The following FCGR2B variants were observed in gnomAD, a reference collection of about 807,000 sequenced individuals.
The protein encoded by FCGR2B is low affinity immunoglobulin gamma Fc region receptor II-b.
A neutral mutation model predicts 24.8 loss-of-function variants in FCGR2B; 18 were observed. The ratio of observed to expected loss-of-function variants is 0.73; its 90% CI spans 0.50 to 1.08. The LOEUF (loss-of-function observed/expected upper bound fraction) is 1.08, where lower values mean the gene tolerates loss of function less well. Ranked by LOEUF, FCGR2B falls within the 50% of genes least tolerant of loss-of-function variation. FCGR2B has a pLI of 0.00. For synonymous variants in FCGR2B, 79 were observed against 109.8 expected, an observed-to-expected ratio of 0.72 and a Z score of 1.75; for missense variants, 215 against 297.6, an observed-to-expected ratio of 0.72 and a Z score of 2.04.
At chr1:161,648,697 T>G in the FCGR2B span, among the ~76,000 whole-genome samples, 2 of 150,920 alleles carry the variant, frequency 1.3e-5, no homozygotes, top group Non-Finnish European at 2.9e-5. Flanking sequence ...AATTTTTTCT[T>G]TCTTTTTTTT....
rs1682224930 is a variant in FCGR2B at position 161,677,235 on chromosome 1, A to C, written c.818-93A>C. The C allele has an allele frequency of 4.6e-5, 56 of 1,229,154 alleles. No individual in the cohort carries two copies. In the South Asian group the frequency reaches 6.7e-4, roughly 15 times the overall value. 76.1% of individuals were successfully genotyped at this position (1,229,154 alleles called of 1,614,324 possible). On this transcript the variant is annotated intron_variant, in intron 6 of 7. Coordinates refer to ENST00000358671, the MANE Select transcript of FCGR2B (RefSeq NM_001394477.1). ...GGTCAGCAGTGCTTGCTTTGGCTCT[A>C]GTTTGGGCGTTGGTTTTGCAGCCTC...
chr1:161,661,255 AAAGAAAGG>A (rs758655780), upstream of FCGR2B, among the ~76,000 whole-genome samples: 4,548 of 35,184 alleles, frequency 0.13, 578 homozygotes, highest in South Asian at 0.17. Context: ...AGAAAGAAAG[AAAGAAAGG>A]AAGGAAGCAA....
In FCGR2B at chr1:161,671,372, C is replaced by T. The variant is rs370488962; in HGVS notation, c.134-20C>T. Reference sequence around the variant, plus strand: ...CTGGGCTTCCTCTTCTTCATGCTACCTCCTCTCTCTGCCCCTCAGCAGCTC... The same window carrying T: ...CTGGGCTTCCTCTTCTTCATGCTACTTCCTCTCTCTGCCCCTCAGCAGCTC... On this transcript the variant is annotated intron_variant, in intron 2 of 7. Coordinates refer to ENST00000358671, the MANE Select transcript of FCGR2B (RefSeq NM_001394477.1). 3.5e-4 allele frequency: 572 copies of T among 1,614,018 alleles called. 2 individuals are homozygous for T. The highest frequency in any genetic ancestry group is 4.9e-4 in the Middle Eastern group (3 of 6,084).
chr1:161,651,881 T>C, the FCGR2B span, among the ~76,000 whole-genome samples: 2 of 126,568 alleles, frequency 1.6e-5, no homozygotes, highest in African/African-American at 5.3e-5. Context: ...TGTGGTGAGC[T>C]GAGATTGTGC....
upstream of FCGR2B, among the ~76,000 whole-genome samples, chr1:161,661,255 A>AAAGG (rs1681066934): frequency 5.5e-5 from 2 of 36,130 alleles, no homozygotes; most frequent in Non-Finnish European, 1.3e-4. Flanking sequence ...AGAAAGAAAG[A>AAAGG]AAGAAAGGAA....
In FCGR2B at chr1:161,677,360, G is replaced by A. The variant is rs1472082569; in HGVS notation, c.850G>A (p.Val284Ile). 6 of 1,613,686 alleles carry A rather than the reference G, an allele frequency of 3.7e-6. No homozygotes were observed. The East Asian group carries it at 8.9e-5, about 24-fold the overall frequency. ...CACTAATCCTGATGAGGCTGACAAA[G>A]TTGGGGTGAGTGATCCCAGCCATCT... is the stretch of plus-strand genomic sequence containing the variant. ...NPTNPDEADKVGAENTITYSL... is the reference protein window; with the variant it reads ...NPTNPDEADKIGAENTITYSL... Residue 284 changes from valine to isoleucine, a missense_variant, in exon 7 of 8, where the codon GTT becomes ATT. Transcript: ENST00000358671.
chr1:161,661,099 G>A (rs1483019377), upstream of FCGR2B, among the ~76,000 whole-genome samples: 5 of 67,944 alleles, frequency 7.4e-5, no homozygotes, highest in African/African-American at 1.8e-4. Context: ...AAAGTAAAAA[G>A]AAAGAGAGAC....
intron 3 of FCGR2B, chr1:161,672,302 A>G (rs1238425544): frequency 1.3e-5 from 2 of 157,904 alleles, no homozygotes; most frequent in Admixed American, 5.9e-5. Flanking sequence ...CAAAGTTACA[A>G]TGAGATTGTG....
rs563696479 is a variant in FCGR2B, at chr1:161,677,893, T to G, written c.*340T>G. On this transcript the variant is annotated 3_prime_UTR_variant, in exon 8 of 8. Coordinates refer to ENST00000358671, the MANE Select transcript of FCGR2B (RefSeq NM_001394477.1). The stretch of plus-strand genomic sequence containing the variant: ...TATGTTACAGGTTACGTGAGAACAA[T>G]CATGTAAATCTATATGATTTCAGAA... 1.8e-5 allele frequency: 5 copies of G among 283,746 alleles called. No homozygotes were observed. Among genetic ancestry groups the G allele is most frequent in the Non-Finnish European group, 3.3e-5 (5 of 153,374 alleles). The allele number at this position is 283,746 out of a possible 1,614,324, so 17.6% of individuals were successfully genotyped here.
rs1682327116 is a variant in FCGR2B, at chr1:161,678,631, A to T, written c.*1078A>T. 5.0e-6 allele frequency: 1 copy of T among 200,850 alleles called. No individual in the cohort carries two copies. The allele number at this position is 200,850 out of a possible 1,614,324, so 12.4% of individuals were successfully genotyped here. A position where few individuals can be genotyped will look rare whatever the true frequency, so the allele number is the denominator to read the frequency against. On this transcript the variant is annotated 3_prime_UTR_variant, in exon 8 of 8. Coordinates refer to ENST00000358671, the MANE Select transcript of FCGR2B (RefSeq NM_001394477.1). ...CTTCTTCTCTTTCCTCCTATGGCAA[A>T]TAAAACACTGTTTTGCAACACAAGT...
At chr1:161,673,523 G>A in intron 4 of FCGR2B, 1 of 728,904 alleles carries the variant, frequency 1.4e-6, no homozygotes, top group Non-Finnish European at 2.5e-6. Flanking sequence ...GGTTCCCTAA[G>A]CTCCTGGGCA....
At chr1:161,652,388 A>T in the FCGR2B span, among the ~76,000 whole-genome samples, 5 of 131,510 alleles carry the variant, frequency 3.8e-5, no homozygotes, top group East Asian at 8.2e-4. Flanking sequence ...TCTACTGATG[A>T]CCCTGTCAAA....
the FCGR2B span, among the ~76,000 whole-genome samples, chr1:161,652,351 A>ATT: frequency 7.2e-5 from 9 of 125,590 alleles, no homozygotes; most frequent in Admixed American, 9.0e-5. Flanking sequence ...CAAAGTACTG[A>ATT]TTTTTTTTTT....
intron 6 of FCGR2B, chr1:161,676,590 G>T (rs187299956): frequency 6.3e-6 from 1 of 159,864 alleles, no homozygotes; most frequent in East Asian, 1.5e-4. Context: ...TCAGAATGCG[G>T]TTTACTGCAG....
intron 3 of FCGR2B, 161 bp downstream of exon 3, chr1:161,671,810 A>T: frequency 1.4e-6 from 2 of 1,394,112 alleles, no homozygotes; most frequent in Middle Eastern, 2.3e-4. Flanking sequence ...CTCAGTTCTG[A>T]TTGAACAGAA....
Position 161,675,266 on chromosome 1 carries a change from G to C in FCGR2B, c.770G>C (p.Gly257Ala). The change falls in exon 6 of 8, where the codon GGA (glycine) becomes GCA (alanine). Residue 257 changes from glycine to alanine, a missense_variant. Around this residue, in one of 5 missense-constraint regions of FCGR2B, gnomAD observed 81 missense variants for 81.6 expected, o/e 0.99. Coordinates refer to ENST00000358671, the MANE Select transcript of FCGR2B (RefSeq NM_001394477.1). ...TGTGTGCCCCTCCCAGCTCTCCCAG[G>C]ATACCCTGAGTGCAGGGAAATGGGA... is the stretch of plus-strand genomic sequence containing the variant. ...CRKKRISALP[G>A]YPECREMGET... 9 of 1,606,396 alleles carry C rather than the reference G, an allele frequency of 5.6e-6. No homozygotes were observed. Among genetic ancestry groups the C allele is most frequent in the Non-Finnish European group, 7.6e-6 (9 of 1,177,014 alleles).
At chr1:161,661,480 C>A (rs1334895906), upstream of FCGR2B, among the ~76,000 whole-genome samples, 2 of 103,734 alleles carry the variant, frequency 1.9e-5, 1 homozygote, top group Admixed American at 1.8e-4. Flanking sequence ...AATATTGAAA[C>A]CCTCAAATTC....
the FCGR2B span, among the ~76,000 whole-genome samples, chr1:161,650,296 T>C: frequency 2.1e-5 from 3 of 146,292 alleles, 1 homozygote; most frequent in East Asian, 6.1e-4. Context: ...CAAAAAAAAG[T>C]TTTGAAGTGG....
Position 161,677,366 on chromosome 1 carries a change from G to A in FCGR2B, c.855+1G>A, listed in dbSNP as rs1682235388. On this transcript the variant is annotated splice_donor_variant, in intron 7 of 7. Transcript: ENST00000358671. LOFTEE classifies it high-confidence loss of function. ...TCCTGATGAGGCTGACAAAGTTGGG[G>A]TGAGTGATCCCAGCCATCTCCCCCT... The A allele has an allele frequency of 3.7e-6, 6 of 1,613,280 alleles. No individual in the cohort carries two copies. The highest frequency in any genetic ancestry group is 5.1e-6 in the Non-Finnish European group (6 of 1,179,624).
Sources: allele counts gnomAD v4.1 joint callset (sites outside exome capture counted in the v4.1 genomes callset), GRCh38; gene constraint gnomAD v4.1.1; regional missense constraint gnomAD v4.1.1; transcripts MANE v1.5; gene names NCBI Gene and HGNC (gene_info 2026-07-23, HGNC 2026-07-21).